The following DMD variants were observed in gnomAD, a reference collection of about 807,000 sequenced individuals.
DMD encodes mutant dystrophin.
DMD carries 63 observed loss-of-function variants against 330.1 expected under a neutral mutation model. The ratio of observed to expected loss-of-function variants is 0.19; its 90% CI spans 0.16 to 0.24. The LOEUF (loss-of-function observed/expected upper bound fraction) is 0.24, where lower values mean the gene tolerates loss of function less well. Among genes scored for constraint, DMD ranks in the 10% least tolerant of loss-of-function variants. DMD has a pLI of 1.00. For synonymous variants in DMD, 1,223 were observed against 959.8 expected (o/e 1.27, Z -5.07); for missense variants, 3,344 against 2,684.1 (o/e 1.25, Z -5.43).
intron 2 of DMD, among the ~76,000 whole-genome samples, chrX:32,948,113 GACACACAC>G (rs3083093): frequency 2.9e-4 from 28 of 95,975 alleles, no homozygotes; most frequent in African/African-American, 1.0e-3. Flanking sequence ...GAGAGAAACA[GACACACAC>G]ACACACACAC....
intron 43 of DMD, among the ~76,000 whole-genome samples, chrX:32,235,392 A>G (rs2097183876): frequency 9.0e-6 from 1 of 111,635 alleles, no homozygotes; most frequent in South Asian, 3.8e-4. Context: ...AGCTGTAAAT[A>G]CAGATGAAGC....
intron 16 of DMD, 55 bp from the exon 17 acceptor site, chrX:32,545,389 A>C: frequency 1.8e-6 from 2 of 1,128,568 alleles, no homozygotes; most frequent in East Asian, 6.0e-5. Flanking sequence ...TTCAGTAAAG[A>C]CTGCTTGGAG....
chrX:32,943,191 A>AT (rs766474029), intron 2 of DMD, among the ~76,000 whole-genome samples: 1 of 111,786 alleles, frequency 8.9e-6, no homozygotes, highest in South Asian at 3.7e-4. Flanking sequence ...GCATATTTAA[A>AT]TAAAAGAACT....
chrX:33,187,666 G>A (rs937131713), intron 1 of DMD, among the ~76,000 whole-genome samples: 5 of 112,000 alleles, frequency 4.5e-5, no homozygotes, highest in African/African-American at 1.6e-4. Flanking sequence ...GACAAATAAA[G>A]GACCAGTAAC....
chrX:31,872,459 C>A (rs1340664063), intron 48 of DMD, among the ~76,000 whole-genome samples: 2 of 111,638 alleles, frequency 1.8e-5, no homozygotes. Context: ...TTCCGGGGGG[C>A]ACAGACTGGG....
intron 44 of DMD, among the ~76,000 whole-genome samples, chrX:32,186,635 A>G (rs1288041621): frequency 4.5e-5 from 5 of 111,664 alleles, no homozygotes; most frequent in African/African-American, 1.6e-4. Context: ...GATGATACAT[A>G]TCTACAGCTT....
At chrX:31,416,938 G>A in intron 60 of DMD, among the ~76,000 whole-genome samples, 2 of 112,141 alleles carry the variant, frequency 1.8e-5, no homozygotes, top group Non-Finnish European at 3.8e-5. Flanking sequence ...ATTTATAAGA[G>A]TGGTCCCAGC....
chrX:32,647,591 G>A (rs1047259913), intron 9 of DMD, among the ~76,000 whole-genome samples: 2 of 111,329 alleles, frequency 1.8e-5, no homozygotes, highest in Non-Finnish European at 3.8e-5. Context: ...AGAAAGAAAG[G>A]GAATCTTGTG....
chrX:33,257,343 G>T (rs768975855), intron 1 of DMD, among the ~76,000 whole-genome samples: 53 of 110,739 alleles, frequency 4.8e-4, no homozygotes, highest in African/African-American at 1.7e-3. Flanking sequence ...ATTTAGAAAG[G>T]TCACATGAGT....
At chrX:32,118,188 T>C (rs990757000) in intron 44 of DMD, among the ~76,000 whole-genome samples, 4 of 111,815 alleles carry the variant, frequency 3.6e-5, no homozygotes, top group African/African-American at 9.8e-5. Context: ...ATTTATATAA[T>C]AAAGTATCCT....
Position 32,201,482 on chromosome X carries a change from C to A in DMD, c.6438+15434G>T, listed in dbSNP as rs60067112. Among the ~76,000 whole-genome samples, 491 of 94,560 alleles carry A rather than the reference C, an allele frequency of 5.2e-3. 3 individuals carry two copies. The highest frequency in any genetic ancestry group is 0.018 in the African/African-American group (454 of 25,785). The allele number at this position is 94,560 out of a possible 115,157, so 82.1% of individuals were successfully genotyped here. ...GCAAATTCAAACACCCCCCCCCCCC[C>A]CAACAAGGAGGCCATATTTAGATTA... On this transcript the variant is annotated intron_variant, in intron 44 of 78. Transcript: ENST00000357033.
intron 47 of DMD, among the ~76,000 whole-genome samples, chrX:31,912,299 A>G (rs1335641396): frequency 9.0e-6 from 1 of 111,313 alleles, no homozygotes; most frequent in African/African-American, 3.3e-5. Context: ...CTCTGTGACA[A>G]CGCCCGACCG....
At chrX:33,091,398 G>T (rs2095083519) in intron 1 of DMD, among the ~76,000 whole-genome samples, 1 of 111,656 alleles carries the variant, frequency 9.0e-6, no homozygotes, top group South Asian at 3.7e-4. Context: ...AGGAGCATTT[G>T]AACTGCTGGA....
intron 9 of DMD, among the ~76,000 whole-genome samples, chrX:32,683,273 C>G (rs1421046187): frequency 9.1e-6 from 1 of 110,428 alleles, no homozygotes; most frequent in Non-Finnish European, 1.9e-5. Flanking sequence ...TACCACTTGA[C>G]CCAGCCATCA....
intron 16 of DMD, among the ~76,000 whole-genome samples, chrX:32,549,483 T>A (rs756459237): frequency 9.0e-6 from 1 of 111,432 alleles, no homozygotes; most frequent in Non-Finnish European, 1.9e-5. Flanking sequence ...CCACAAATTA[T>A]GTAGCCAGTC....
At chrX:32,734,898 T>C (rs1264610104) in intron 7 of DMD, among the ~76,000 whole-genome samples, 4 of 104,198 alleles carry the variant, frequency 3.8e-5, no homozygotes, top group African/African-American at 1.5e-4. Flanking sequence ...CAACATAGTG[T>C]TGGAAGTTCT....
intron 60 of DMD, among the ~76,000 whole-genome samples, chrX:31,351,680 C>T (rs903903911): frequency 4.3e-5 from 4 of 92,528 alleles, no homozygotes; most frequent in African/African-American, 1.7e-4. Context: ...GCGCCGAGAT[C>T]GTGTCACTAC....
At chrX:31,358,436 C>T (rs189603882) in intron 60 of DMD, among the ~76,000 whole-genome samples, 11 of 111,534 alleles carry the variant, frequency 9.9e-5, no homozygotes, top group Non-Finnish European at 1.5e-4. Flanking sequence ...CATCAAGATA[C>T]GTGCACTGTG....
intron 2 of DMD, among the ~76,000 whole-genome samples, chrX:32,877,765 G>T (rs943745898): frequency 1.8e-5 from 2 of 111,888 alleles, no homozygotes; most frequent in African/African-American, 3.3e-5. Flanking sequence ...TTAAGGCAAT[G>T]ACTGGTGACT....
Sources: gnomAD v4.1 joint callset for allele counts (sites outside exome capture counted in the v4.1 genomes callset) on GRCh38, gnomAD v4.1.1 for gene constraint, MANE v1.5 for transcripts, NCBI Gene and HGNC (gene_info 2026-07-23, HGNC 2026-07-21) for gene names.